PCDH10: variants seen among roughly 807,000 people sequenced by gnomAD.
PCDH10 encodes the protein protocadherin 10.
PCDH10 carries 15 observed loss-of-function variants against 74.4 expected under a neutral mutation model. The observed-to-expected ratio is 0.20, with a 90% confidence interval of 0.13 to 0.31. The LOEUF is 0.31. Ranked by LOEUF, PCDH10 falls within the 10% of genes least tolerant of loss-of-function variation. PCDH10 has a pLI of 1.00. For missense variants in PCDH10, 1,260 were observed against 1,390.2 expected (o/e 0.91, Z 1.49); for synonymous variants, 619 against 589.8 (o/e 1.05, Z -0.72).
chr4:133,199,289 A>AAATAATAAT (rs70957501), downstream of PCDH10, among the ~76,000 whole-genome samples: 10,206 of 136,534 alleles, frequency 0.075, 486 homozygotes, highest in East Asian at 0.15. Context: ...CCCTGTCTCA[A>AAATAATAAT]AATAATAATA....
At chr4:133,154,784 C>A in intron 2 of PCDH10, 133 bp from the exon 3 acceptor site, 1 of 642,270 alleles carries the variant, frequency 1.6e-6, no homozygotes. Flanking sequence ...TAAAAACTAG[C>A]TTTATGCAGA....
intron 4 of PCDH10, chr4:133,164,049 G>C (rs756243025): frequency 7.2e-5 from 33 of 455,528 alleles, no homozygotes; most frequent in South Asian, 5.1e-4. Flanking sequence ...ATACATTGTA[G>C]TGACAACAAT....
At chr4:133,153,039 T>C in intron 1 of PCDH10, 1 of 1,414,848 alleles carries the variant, frequency 7.1e-7, no homozygotes, top group East Asian at 2.6e-5. Context: ...TCTTCCATCC[T>C]GTCAGTCCTT....
In PCDH10 at chr4:133,151,068, C is replaced by A; in HGVS notation, c.928C>A (p.Leu310Met). The A allele has an allele frequency of 6.2e-7, 1 of 1,614,114 alleles. No individual in the cohort carries two copies. Among genetic ancestry groups the A allele is most frequent in the Non-Finnish European group, 8.5e-7 (1 of 1,180,026 alleles). The change falls in exon 1 of 5, where the codon CTG (leucine) becomes ATG (methionine). Residue 310 changes from leucine (L) to methionine (M), a missense_variant. Coordinates refer to ENST00000264360, the MANE Select transcript of PCDH10 (RefSeq NM_032961.3). ...LFGLSPRTGR[L>M]EVSGELDYEE... ...CGGACTCTCGCCGCGCACTGGCAGACTGGAGGTAAGCGGCGAGTTGGACTA... is the reference window on the plus strand; with the variant it reads ...CGGACTCTCGCCGCGCACTGGCAGAATGGAGGTAAGCGGCGAGTTGGACTA...
Position 133,152,677 on chromosome 4 carries a change from C to T in PCDH10, c.2537C>T (p.Thr846Met), listed in dbSNP as rs768068046. The change falls in exon 1 of 5, where the codon ACG (threonine) becomes ATG (methionine). Residue 846 changes from threonine (T) to methionine (M), a missense_variant. By Grantham distance (81) the Thr-to-Met change is moderately conservative. Transcript: ENST00000264360. Reference sequence around the variant, plus strand: ...AAGCCCTGCAGCCCTTCGCGGAGTACGGACACTGAGCACAACCCCTGCGGG... The same window carrying T: ...AAGCCCTGCAGCCCTTCGCGGAGTATGGACACTGAGCACAACCCCTGCGGG... ...FLKPCSPSRS[T>M]DTEHNPCGAI... 4.3e-6 allele frequency: 7 copies of T among 1,614,080 alleles called. No individual in the cohort carries two copies. Among genetic ancestry groups the T allele is most frequent in the African/African-American group, 4.0e-5 (3 of 74,938 alleles).
At chr4:133,202,534 A>G (rs187286954) in intron 2 of PCDH10, among the ~76,000 whole-genome samples, 1 of 152,174 alleles carries the variant, frequency 6.6e-6, no homozygotes, top group East Asian at 1.9e-4. Flanking sequence ...GCCCTAGTAC[A>G]TATAGTGATA....
chr4:133,193,728 C>G lies in PCDH10; in HGVS notation c.*3568C>G, dbSNP rs938962274. ...TGTTTCTATGTGTGCTATTGATACC[C>G]AAGGAACTCAAAAATACTTAAAATA... On this transcript the variant is annotated 3_prime_UTR_variant, in exon 5 of 5. Coordinates refer to ENST00000264360, the MANE Select transcript of PCDH10 (RefSeq NM_032961.3). 6.6e-6 allele frequency: 1 copy of G among 151,510 alleles called. No individual in the cohort carries two copies. The highest frequency in any genetic ancestry group is 1.5e-5 in the Non-Finnish European group (1 of 67,618). 9.4% of individuals were successfully genotyped at this position (151,510 alleles called of 1,614,324 possible).
chr4:133,204,796 A>T (rs546196221), intron 2 of PCDH10, among the ~76,000 whole-genome samples: 5 of 152,252 alleles, frequency 3.3e-5, no homozygotes, highest in African/African-American at 1.2e-4. Flanking sequence ...GATTATTGGG[A>T]TGGAGAATCT....
rs1417016024 is a variant in PCDH10 at position 133,163,135 on chromosome 4, G to A, written c.2956G>A (p.Val986Met). ...PGMDSVPDTE[V>M]FETPEAQPGA... ...CATGGACTCTGTTCCAGACACTGAG[G>A]TGTTTGAAACTCCAGAAGCCCAGCC... Residue 986 changes from valine (V) to methionine (M), a missense_variant, in exon 4 of 5, where the codon GTG becomes ATG. Val to Met is a conservative substitution (Grantham distance 21). Around this residue, in one of 11 missense-constraint regions of PCDH10, gnomAD observed 136 missense variants for 149.3 expected, o/e 0.91. Coordinates refer to ENST00000264360, the MANE Select transcript of PCDH10 (RefSeq NM_032961.3). The A allele has an allele frequency of 6.2e-7, 1 of 1,614,032 alleles. No homozygotes were observed. Among genetic ancestry groups the A allele is most frequent in the Non-Finnish European group, 8.5e-7 (1 of 1,180,038 alleles).
rs1331735308 is a variant in PCDH10 at position 133,150,062 on chromosome 4, T to G, written c.-79T>G. On this transcript the variant is annotated 5_prime_UTR_variant, in exon 1 of 5. It adds an upstream start codon to the 5' untranslated region. Coordinates refer to ENST00000264360, the MANE Select transcript of PCDH10 (RefSeq NM_032961.3). ...CACTTTTATTTGTATTTTTTCAGAT[T>G]TTTTTTTGTTTCGTGGTGGTGGGGG... 1.4e-6 allele frequency: 2 copies of G among 1,443,988 alleles called. No homozygotes were observed. Among genetic ancestry groups the G allele is most frequent in the African/African-American group, 2.9e-5 (2 of 70,170 alleles). 89.4% of individuals were successfully genotyped at this position (1,443,988 alleles called of 1,614,324 possible). A position where few individuals can be genotyped will look rare whatever the true frequency, so the allele number is the denominator to read the frequency against.
chr4:133,156,643 G>A (rs1726869663), intron 3 of PCDH10, among the ~76,000 whole-genome samples: 1 of 152,140 alleles, frequency 6.6e-6, no homozygotes, highest in African/African-American at 2.4e-5. Context: ...AAAACAAAAT[G>A]TTTAATGTTT....
At chr4:133,164,741 T>C (rs952429260) in intron 4 of PCDH10, among the ~76,000 whole-genome samples, 1 of 151,438 alleles carries the variant, frequency 6.6e-6, no homozygotes, top group Admixed American at 6.6e-5. Flanking sequence ...ATAAGACTAA[T>C]GGAAACAATT....
chr4:133,198,614 T>G (rs1216374830), downstream of PCDH10, among the ~76,000 whole-genome samples: 1 of 152,196 alleles, frequency 6.6e-6, no homozygotes, highest in African/African-American at 2.4e-5. Flanking sequence ...TAAAGGTGTC[T>G]TCCTAATTCT....
chr4:133,165,840 C>T (rs1464551263), intron 4 of PCDH10, among the ~76,000 whole-genome samples: 1 of 151,602 alleles, frequency 6.6e-6, no homozygotes, highest in Non-Finnish European at 1.5e-5. Flanking sequence ...GATTTCTATA[C>T]CTCCGATTGC....
chr4:133,167,305 T>C (rs931850232), intron 4 of PCDH10, among the ~76,000 whole-genome samples: 22 of 151,688 alleles, frequency 1.5e-4, no homozygotes, highest in African/African-American at 4.6e-4. Context: ...TTAGTAACAT[T>C]TCTTCCAATC....
In PCDH10 at chr4:133,149,972, T is replaced by G. The variant is rs1726615857; in HGVS notation, c.-169T>G. 5.3e-6 allele frequency: 5 copies of G among 950,650 alleles called. No individual in the cohort carries two copies. In the South Asian group the frequency reaches 1.4e-4, roughly 27 times the overall value. The allele number at this position is 950,650 out of a possible 1,614,324, so 58.9% of individuals were successfully genotyped here. A position where few individuals can be genotyped will look rare whatever the true frequency, so the allele number is the denominator to read the frequency against. On this transcript the variant is annotated 5_prime_UTR_variant, in exon 1 of 5. Transcript: ENST00000264360. ...AAAATGAGGCTGGATTGCGGGAAGC[T>G]CTAAAATGAAGCAAAAGGAGTAAGA...
intron 3 of PCDH10, among the ~76,000 whole-genome samples, chr4:133,158,884 A>AGAG (rs1236594309): frequency 6.6e-6 from 1 of 152,098 alleles, no homozygotes; most frequent in Non-Finnish European, 1.5e-5. Context: ...TGAAATATTG[A>AGAG]GAGGAAATGG....
Position 133,151,672 on chromosome 4 carries a change from G to A in PCDH10, c.1532G>A (p.Ser511Asn), listed in dbSNP as rs1726700264. The A allele has an allele frequency of 6.2e-7, 1 of 1,613,678 alleles. No individual in the cohort carries two copies. The highest frequency in any genetic ancestry group is 1.6e-4 in the Middle Eastern group (1 of 6,062). The change falls in exon 1 of 5, where the codon AGC (serine) becomes AAC (asparagine). Residue 511 changes from serine to asparagine, a missense_variant. By Grantham distance (46) the Ser-to-Asn change is conservative (BLOSUM62 1). Coordinates refer to ENST00000264360, the MANE Select transcript of PCDH10 (RefSeq NM_032961.3). ...SILECQIQGM[S>N]VFTYVSINSE... is the part of the protein sequence containing the mutation. Reference sequence around the variant, plus strand: ...CTCGAGTGCCAGATCCAGGGCATGAGCGTCTTCACCTACGTTTCTATCAAC... The same window carrying A: ...CTCGAGTGCCAGATCCAGGGCATGAACGTCTTCACCTACGTTTCTATCAAC...
At chr4:133,175,414 G>A (rs1348830163) in intron 4 of PCDH10, among the ~76,000 whole-genome samples, 2 of 152,068 alleles carry the variant, frequency 1.3e-5, no homozygotes, top group Non-Finnish European at 2.9e-5. Flanking sequence ...TCCAAGCACA[G>A]TGGTCTTCAG....
Sources: allele counts gnomAD v4.1 joint callset (sites outside exome capture counted in the v4.1 genomes callset), GRCh38; gene constraint gnomAD v4.1.1; regional missense constraint gnomAD v4.1.1; transcripts MANE v1.5; gene names NCBI Gene and HGNC (gene_info 2026-07-23, HGNC 2026-07-21).